Variants in GAREM2 observed in about 807,000 individuals in gnomAD.
GAREM2 encodes GRB2 associated regulator of MAPK1 subtype 2, also known as GRB2-associated and regulator of MAPK protein 2.
Under a neutral mutation model 55.6 loss-of-function variants are expected in GAREM2, and 30 were observed. The observed-to-expected ratio is 0.54, with a 90% confidence interval of 0.40 to 0.73. The LOEUF is 0.73. Ranked by LOEUF, GAREM2 falls within the 30% of genes least tolerant of loss-of-function variation. GAREM2 has a pLI of 0.00. For missense variants in GAREM2, 1,075 were observed against 1,257.7 expected, an observed-to-expected ratio of 0.85 and a Z score of 2.20; for synonymous variants, 550 against 569.1, an observed-to-expected ratio of 0.97 and a Z score of 0.48.
At chr2:26,194,428 A>C (rs891560586), downstream of GAREM2, 15 of 716,800 alleles carry the variant, frequency 2.1e-5, no homozygotes, top group Non-Finnish European at 3.9e-5. Context: ...TGCTGTGCAG[A>C]GAGAGGGCAC....
chr2:26,197,998 T>TATGGC, the GAREM2 span, among the ~76,000 whole-genome samples: 3 of 152,182 alleles, frequency 2.0e-5, no homozygotes, highest in Non-Finnish European at 2.9e-5. Flanking sequence ...TTCCTCTAGT[T>TATGGC]ATGGCCCATC....
chr2:26,190,877 C>T, downstream of GAREM2: 1 of 335,854 alleles, frequency 3.0e-6, no homozygotes, highest in South Asian at 3.3e-5. Context: ...GATGCTGACA[C>T]AGAGTTTGGT....
rs1279202481 is a variant in GAREM2 at position 26,188,212 on chromosome 2, CAAG to C, written c.2585_2587del (p.Lys862del). 1 of 1,521,716 alleles carries C rather than the reference CAAG, an allele frequency of 6.6e-7. No homozygotes were observed. Among genetic ancestry groups the C allele is most frequent in the Non-Finnish European group, 8.9e-7 (1 of 1,129,004 alleles). The allele number at this position is 1,521,716 out of a possible 1,614,324, so 94.3% of individuals were successfully genotyped here. A position where few individuals can be genotyped will look rare whatever the true frequency, so the allele number is the denominator to read the frequency against. On this transcript the variant is annotated inframe_deletion, in exon 6 of 6. Coordinates refer to ENST00000401533, the MANE Select transcript of GAREM2 (RefSeq NM_001168241.2). ...ACTTCCACCTCACCAAGCTGCAGGT[CAAG>C]AAGATCATGCAGTTCATCAAAGGCT...
downstream of GAREM2, chr2:26,190,536 G>A (rs112405041): frequency 0.031 from 4,772 of 153,328 alleles, 228 homozygotes; most frequent in African/African-American, 0.11. Flanking sequence ...AGATGTCAGC[G>A]CCTCTGCTTA....
downstream of GAREM2, among the ~76,000 whole-genome samples, chr2:26,190,332 G>A (rs1263761298): frequency 6.6e-6 from 1 of 152,132 alleles, no homozygotes; most frequent in Non-Finnish European, 1.5e-5. Flanking sequence ...TAGCCCCAGT[G>A]CTGTTTACCC....
At chr2:26,201,884 C>T in the GAREM2 span, among the ~76,000 whole-genome samples, 1 of 151,440 alleles carries the variant, frequency 6.6e-6, no homozygotes, top group South Asian at 2.1e-4. Context: ...AACCTCTTGT[C>T]TCCTGGGTTC....
chr2:26,199,598 C>T, the GAREM2 span, among the ~76,000 whole-genome samples: 11 of 152,282 alleles, frequency 7.2e-5, no homozygotes, highest in South Asian at 2.1e-4. Flanking sequence ...TTTCCCTTCT[C>T]CTTGAATCTG....
chr2:26,181,015 G>A, intron 2 of GAREM2: 1 of 985,470 alleles, frequency 1.0e-6, no homozygotes, highest in Non-Finnish European at 1.2e-6. Context: ...AGCCTGCTGG[G>A]TCTCCCTTCC....
chr2:26,185,913 A>T (rs949858154), intron 4 of GAREM2, among the ~76,000 whole-genome samples: 10 of 151,802 alleles, frequency 6.6e-5, no homozygotes, highest in Non-Finnish European at 2.9e-5. Context: ...GTTTTGATCT[A>T]CCTTTGTGTT....
At chr2:26,204,042 AAG>A in the GAREM2 span, 1 of 1,612,688 alleles carries the variant, frequency 6.2e-7, no homozygotes, top group Non-Finnish European at 8.5e-7. Context: ...AACTCTTGCA[AAG>A]AGAGAGAGCA....
intron 2 of GAREM2, chr2:26,182,222 T>C: frequency 1.4e-6 from 2 of 1,385,552 alleles, no homozygotes; most frequent in Non-Finnish European, 9.3e-7. Flanking sequence ...AAAGTCTGTG[T>C]CTCCTAGGGG....
downstream of GAREM2, chr2:26,191,011 G>A (rs1001518961): frequency 4.6e-5 from 27 of 590,798 alleles, no homozygotes; most frequent in East Asian, 2.6e-4. Flanking sequence ...TCTAGGCCTC[G>A]GGGCTTATAC....
At chr2:26,184,211 GC>G (rs1173801352) in intron 3 of GAREM2, 21 bp from the exon 4 acceptor site, 3 of 1,548,028 alleles carry the variant, frequency 1.9e-6, no homozygotes, top group East Asian at 4.9e-5. Flanking sequence ...CTAAGGCCCT[GC>G]CCTGTCTCTG....
the GAREM2 span, chr2:26,204,061 C>G: frequency 6.2e-7 from 1 of 1,613,826 alleles, no homozygotes; most frequent in Non-Finnish European, 8.5e-7. Context: ...AGCAGGCTTA[C>G]CCTTTGAACA....
chr2:26,197,910 TC>T, the GAREM2 span: 1 of 720,480 alleles, frequency 1.4e-6, no homozygotes, highest in South Asian at 1.4e-5. Flanking sequence ...TAGATGTCAC[TC>T]ACCCAGACAT....
In GAREM2 at chr2:26,173,254, C is replaced by A. The variant is rs549444788; in HGVS notation, c.34C>A (p.Arg12Ser). The stretch of plus-strand genomic sequence containing the variant: ...GCTGGCGGCCGGGCTGGCCGGCCTG[C>A]GCTGGAGCATGGGCGCCTTCCCGCT... ...EKLAAGLAGL[R>S]WSMGAFPLDL... Residue 12 changes from arginine (R) to serine (S), a missense_variant, in exon 1 of 6, where the codon CGC (arginine) becomes AGC (serine). Coordinates refer to ENST00000401533, the MANE Select transcript of GAREM2 (RefSeq NM_001168241.2). 3.3e-4 allele frequency: 461 copies of A among 1,405,146 alleles called. 3 individuals are homozygous for A. In the African/African-American group the frequency reaches 5.6e-3, roughly 17 times the overall value. The allele number at this position is 1,405,146 out of a possible 1,614,324, so 87.0% of individuals were successfully genotyped here.
In GAREM2 at chr2:26,185,295, G is replaced by A. The variant is rs1040788966; in HGVS notation, c.1428+19G>A. The A allele has an allele frequency of 2.0e-6, 3 of 1,492,778 alleles. No homozygotes were observed. The highest frequency in any genetic ancestry group is 4.3e-5 in the Admixed American group (2 of 46,698). The allele number at this position is 1,492,778 out of a possible 1,614,324, so 92.5% of individuals were successfully genotyped here. A position where few individuals can be genotyped will look rare whatever the true frequency, so the allele number is the denominator to read the frequency against. On this transcript the variant is annotated intron_variant, in intron 4 of 5. Transcript: ENST00000401533. ...CGAGGCGGTGAGTGAGCGCGCTGGG[G>A]GCCGAGTCCCGGGTCCAGCCAGGGC... is the stretch of plus-strand genomic sequence containing the variant.
rs1034920823 is a variant in GAREM2, at chr2:26,189,351, A to G, written c.*1094A>G. ...CTCTGGTCATTGTGTCCAACCACAC[A>G]CCCCACCCCATCCGTGTCCTCCATC... On this transcript the variant is annotated 3_prime_UTR_variant, in exon 6 of 6. Coordinates refer to ENST00000401533, the MANE Select transcript of GAREM2 (RefSeq NM_001168241.2). 4 of 151,912 alleles carry G rather than the reference A, an allele frequency of 2.6e-5. No individual in the cohort carries two copies. The highest frequency in any genetic ancestry group is 9.7e-5 in the African/African-American group (4 of 41,306). The allele number at this position is 151,912 out of a possible 1,614,324, so 9.4% of individuals were successfully genotyped here.
At chr2:26,203,665 C>T in the GAREM2 span, among the ~76,000 whole-genome samples, 5 of 152,192 alleles carry the variant, frequency 3.3e-5, no homozygotes, top group Non-Finnish European at 4.4e-5. Flanking sequence ...GTCTTCTCAA[C>T]AGAGACAGTC....
Sources: allele counts gnomAD v4.1 joint callset (sites outside exome capture counted in the v4.1 genomes callset), GRCh38; gene constraint gnomAD v4.1.1; transcripts MANE v1.5; gene names NCBI Gene and HGNC (gene_info 2026-07-23, HGNC 2026-07-21).